Variants in POLE2 observed in about 807,000 individuals in gnomAD.
The protein encoded by POLE2 is DNA polymerase epsilon 2, accessory subunit, also known as DNA polymerase epsilon subunit 2.
A neutral mutation model predicts 79.4 loss-of-function variants in POLE2; 56 were observed. The ratio of observed to expected loss-of-function variants is 0.71; its 90% confidence interval spans 0.57 to 0.88. POLE2 has a LOEUF of 0.88. Ranked by LOEUF, POLE2 falls within the 40% of genes least tolerant of loss-of-function variation. The pLI is 0.00. For missense variants in POLE2, 598 were observed against 638.9 expected (o/e 0.94, Z 0.69); for synonymous variants, 212 against 214.0 (o/e 0.99, Z 0.08).
intron 18 of POLE2, 96 bp from the exon 19 acceptor site, chr14:49,643,766 T>A: frequency 1.6e-6 from 1 of 614,908 alleles, no homozygotes; most frequent in East Asian, 3.2e-5. Flanking sequence ...AGTTAATTGA[T>A]TTTTAAAAAC....
At position 49,675,411 on chromosome 14, in the gene POLE2, G is replaced by A. The variant is rs759419193; in HGVS notation, c.246-984C>T. Among the ~76,000 whole-genome samples the A allele has an allele frequency of 5.9e-5, 9 of 151,590 alleles. No individual in the cohort carries two copies. In the East Asian group the frequency reaches 1.6e-3, roughly 26 times the overall value. The stretch of plus-strand genomic sequence containing the variant: ...GAGCTACAGTATTATTAAAGGATAT[G>A]ATTAAGTTCCAACAATTTTTTATTT... On this transcript the variant is annotated intron_variant, in intron 3 of 18. Transcript: ENST00000216367.
chr14:49,685,065 C>G (rs1424130160), intron 1 of POLE2, among the ~76,000 whole-genome samples: 1 of 152,174 alleles, frequency 6.6e-6, no homozygotes. Context: ...TAGTTACATG[C>G]CACTACATGC....
chr14:49,683,096 G>A lies in POLE2; in HGVS notation c.169+497C>T, dbSNP rs796210205. Among the ~76,000 whole-genome samples the A allele has an allele frequency of 1.4e-4, 21 of 152,042 alleles. 1 individual carries two copies. The highest frequency in any genetic ancestry group is 5.1e-4 in the African/African-American group (21 of 41,436). ...TTCCAACTAAACTAAGGGTTTGGAT[G>A]TCATCAACAGTTAAAATAAAAAAGG... is the stretch of plus-strand genomic sequence containing the variant. On this transcript the variant is annotated intron_variant, in intron 2 of 18. Transcript: ENST00000216367.
intron 1 of POLE2, among the ~76,000 whole-genome samples, 179 bp from the exon 2 acceptor site, chr14:49,683,872 T>C (rs192441977): frequency 6.6e-6 from 1 of 152,224 alleles, no homozygotes; most frequent in Non-Finnish European, 1.5e-5. Context: ...TCCTATGCCT[T>C]GCTAACATAA....
intron 3 of POLE2, among the ~76,000 whole-genome samples, chr14:49,676,465 T>C (rs748911864): frequency 6.6e-6 from 1 of 152,226 alleles, no homozygotes; most frequent in African/African-American, 2.4e-5. Flanking sequence ...TCTCATGCCA[T>C]CTCTTCATCT....
chr14:49,645,762 C>T (rs1188022772), intron 18 of POLE2, among the ~76,000 whole-genome samples: 1 of 152,222 alleles, frequency 6.6e-6, no homozygotes, highest in Non-Finnish European at 1.5e-5. Context: ...TCCCCAGTAC[C>T]TGGGACTACA....
rs1886381114 is a variant in POLE2, at chr14:49,677,651, T to C, written c.245+2074A>G. 5 of 737,672 alleles carry C rather than the reference T, an allele frequency of 6.8e-6. No individual in the cohort carries two copies. In the South Asian group the frequency reaches 7.8e-5, roughly 11 times the overall value. The allele number at this position is 737,672 out of a possible 1,614,324, so 45.7% of individuals were successfully genotyped here. Reference sequence around the variant, plus strand: ...TGTCTGGTCCCTGGGCTGTGTGATATATGCCACAATGTTTGGGGAAGGCCC... The same window carrying C: ...TGTCTGGTCCCTGGGCTGTGTGATACATGCCACAATGTTTGGGGAAGGCCC... On this transcript the variant is annotated intron_variant, in intron 3 of 18. Transcript: ENST00000216367.
At chr14:49,680,967 G>A (rs911006556) in intron 2 of POLE2, among the ~76,000 whole-genome samples, 1 of 152,084 alleles carries the variant, frequency 6.6e-6, no homozygotes, top group Non-Finnish European at 1.5e-5. Context: ...TTAAGCAAAG[G>A]TATATGTAAA....
intron 3 of POLE2, chr14:49,677,410 G>A (rs376395123): frequency 2.1e-6 from 1 of 476,418 alleles, no homozygotes. Flanking sequence ...CCAAGGGTTA[G>A]GCCCACAGGG....
In POLE2 at chr14:49,654,789, G is replaced by T; in HGVS notation, c.1068C>A (p.His356Gln). 1 of 1,478,358 alleles carries T rather than the reference G, an allele frequency of 6.8e-7. No individual in the cohort carries two copies. Among genetic ancestry groups the T allele is most frequent in the Non-Finnish European group, 8.9e-7 (1 of 1,118,972 alleles). 91.6% of individuals were successfully genotyped at this position (1,478,358 alleles called of 1,614,324 possible). The change falls in exon 13 of 19, where the codon CAC becomes CAA. Residue 356 changes from histidine (H) to glutamine (Q), a missense_variant. Transcript: ENST00000216367. ...ADIICEYPDI[H>Q]QSSRFVFVPG... ...ATAGTGCTAGAGATCATTACCTTTG[G>T]TGAATATCTGGGTATTCACATATTA...
intron 13 of POLE2, chr14:49,654,521 T>C: frequency 2.2e-6 from 1 of 454,380 alleles, no homozygotes; most frequent in Non-Finnish European, 3.8e-6. Context: ...GACTATCATA[T>C]CGGAGAGTGA....
chr14:49,657,503 C>T (rs546951150), intron 10 of POLE2, among the ~76,000 whole-genome samples: 1 of 150,448 alleles, frequency 6.6e-6, no homozygotes, highest in African/African-American at 2.4e-5. Flanking sequence ...TGCAGCGGTG[C>T]GATCTCAGCT....
At chr14:49,646,725 C>T (rs1179721427) in intron 18 of POLE2, 1 of 152,056 alleles carries the variant, frequency 6.6e-6, no homozygotes, top group Non-Finnish European at 1.5e-5. Context: ...ATTTAAAATG[C>T]CTATTCTTTA....
Position 49,656,330 on chromosome 14 carries a change from T to A in POLE2, c.756-487A>T, listed in dbSNP as rs1470101274. On this transcript the variant is annotated intron_variant, in intron 10 of 18. Transcript: ENST00000216367. ...GAGATTGCGCCACTGCACTCCAACC[T>A]GGGCGACAGTGAGACTCTTGTCTCA... Among the ~76,000 whole-genome samples, 3 of 144,218 alleles carry A rather than the reference T, an allele frequency of 2.1e-5. No individual in the cohort carries two copies. In the East Asian group the frequency reaches 6.2e-4, roughly 30 times the overall value. The allele number at this position is 144,218 out of a possible 152,430, so 94.6% of individuals were successfully genotyped here.
intron 3 of POLE2, among the ~76,000 whole-genome samples, chr14:49,676,715 C>T (rs372888587): frequency 2.0e-5 from 3 of 152,250 alleles, no homozygotes; most frequent in Non-Finnish European, 4.4e-5. Context: ...CTACCCTGTG[C>T]CCTGCCTTTG....
At chr14:49,668,835 C>T (rs1885675783) in intron 6 of POLE2, among the ~76,000 whole-genome samples, 4 of 152,252 alleles carry the variant, frequency 2.6e-5, no homozygotes, top group Non-Finnish European at 5.9e-5. Flanking sequence ...GGTCCTTACA[C>T]TGTCACCCAG....
chr14:49,664,687 T>C lies in POLE2; in HGVS notation c.634-13A>G. The C allele has an allele frequency of 6.5e-7, 1 of 1,541,296 alleles. No individual in the cohort carries two copies. Among genetic ancestry groups the C allele is most frequent in the Non-Finnish European group, 9.0e-7 (1 of 1,115,046 alleles). On this transcript the variant is annotated splice_polypyrimidine_tract_variant and intron_variant, in intron 8 of 18. Transcript: ENST00000216367. The stretch of plus-strand genomic sequence containing the variant: ...CACTATGGAACTGGTACACAACAGT[T>C]GAGGAAAATAATTCTATTCTTGAGG...
intron 18 of POLE2, chr14:49,646,879 T>G (rs527986493): frequency 6.4e-6 from 1 of 155,390 alleles, no homozygotes; most frequent in East Asian, 1.9e-4. Flanking sequence ...TTCTTCTTTC[T>G]CAAGACCTTT....
chr14:49,658,013 C>T (rs191742705), intron 10 of POLE2, among the ~76,000 whole-genome samples: 30 of 152,034 alleles, frequency 2.0e-4, no homozygotes, highest in African/African-American at 5.5e-4. Context: ...CAAAACTGGC[C>T]CCAGGGCCAG....
Sources: allele counts gnomAD v4.1 joint callset (sites outside exome capture counted in the v4.1 genomes callset), GRCh38; gene constraint gnomAD v4.1.1; transcripts MANE v1.5; gene names NCBI Gene and HGNC (gene_info 2026-07-23, HGNC 2026-07-21).